OBI1: variants seen among roughly 807,000 people sequenced by gnomAD.
OBI1 encodes ORC ubiquitin ligase 1, also known as ring finger protein 219.
Under a neutral mutation model 62.4 loss-of-function variants are expected in OBI1, and 59 were observed. The observed-to-expected ratio is 0.95, with a 90% confidence interval of 0.77 to 1.17. The LOEUF is 1.17. Ranked by LOEUF, OBI1 falls within the 50% of genes most tolerant of loss-of-function variation. The probability of loss-of-function intolerance (pLI) is 0.00; values close to 1 mark genes in which losing one functional copy is unlikely to be tolerated. For synonymous variants in OBI1, 302 were observed against 292.8 expected, an observed-to-expected ratio of 1.03 and a Z score of -0.32; for missense variants, 875 against 830.9, an observed-to-expected ratio of 1.05 and a Z score of -0.65.
rs1163452291 is a variant in OBI1 at position 78,615,970 on chromosome 13, A to G, written c.1791T>C (p.Thr597=). 2 of 1,613,950 alleles carry G rather than the reference A, an allele frequency of 1.2e-6. No homozygotes were observed. The highest frequency in any genetic ancestry group is 1.1e-5 in the South Asian group (1 of 91,024). ...TELNLSKGSL[T]NDQLENGSEW... The stretch of plus-strand genomic sequence containing the variant: ...CACTTCCATTTTCTAACTGATCATT[A>G]GTTAGAGAACCTTTGGAAAGGTTTA... The change falls in exon 6 of 6, where the codon ACT becomes ACC. Residue 597 remains threonine, a synonymous_variant. Coordinates refer to ENST00000282003, the MANE Select transcript of OBI1 (RefSeq NM_024546.4).
Position 78,616,067 on chromosome 13 carries a change from T to C in OBI1, c.1694A>G (p.Asp565Gly), listed in dbSNP as rs749517299. 6.2e-7 allele frequency: 1 copy of C among 1,614,160 alleles called. No individual in the cohort carries two copies. The highest frequency in any genetic ancestry group is 1.1e-5 in the South Asian group (1 of 91,074). The change falls in exon 6 of 6, where the codon GAT becomes GGT. Residue 565 changes from aspartate (D) to glycine (G), a missense_variant. By Grantham distance (94) the Asp-to-Gly change is moderately conservative. Transcript: ENST00000282003. ...GCCTTGAGATGACTTTGATAACCCATCCAAATCCAGTGACTTAAAACCGTT... is the reference window on the plus strand; with the variant it reads ...GCCTTGAGATGACTTTGATAACCCACCCAAATCCAGTGACTTAAAACCGTT... ...CNNGFKSLDLDGLSKSSQGSE... is the reference protein window; with the variant it reads ...CNNGFKSLDLGGLSKSSQGSE...
chr13:78,646,592 C>T (rs1191970201), intron 1 of OBI1, among the ~76,000 whole-genome samples: 2 of 151,870 alleles, frequency 1.3e-5, no homozygotes, highest in African/African-American at 4.8e-5. Context: ...CAGTATAGAA[C>T]CCTTCTGCAC....
chr13:78,631,499 G>A lies in OBI1; in HGVS notation c.638+3611C>T, dbSNP rs139623951. On this transcript the variant is annotated intron_variant, in intron 5 of 5. Transcript: ENST00000282003. The stretch of plus-strand genomic sequence containing the variant: ...TAAGTCTTCTTCACATATTACTCTT[G>A]TAAACTTAAAGGTCATATCACCACC... Among the ~76,000 whole-genome samples the A allele has an allele frequency of 1.3e-3, 200 of 152,204 alleles. 1 individual carries two copies. Among genetic ancestry groups the A allele is most frequent in the African/African-American group, 4.6e-3 (193 of 41,546 alleles).
chr13:78,651,983 C>CA (rs765444571), intron 1 of OBI1, among the ~76,000 whole-genome samples: 1 of 152,168 alleles, frequency 6.6e-6, no homozygotes, highest in Non-Finnish European at 1.5e-5. Context: ...TTAACCTCCC[C>CA]ATTTAATATG....
At chr13:78,646,185 T>C (rs1876376336) in intron 1 of OBI1, among the ~76,000 whole-genome samples, 1 of 152,194 alleles carries the variant, frequency 6.6e-6, no homozygotes, top group South Asian at 2.1e-4. Context: ...GCTTTGGTTT[T>C]CTCCACAGCA....
At chr13:78,655,708 CAA>C (rs1876680453) in intron 1 of OBI1, among the ~76,000 whole-genome samples, 1 of 152,086 alleles carries the variant, frequency 6.6e-6, no homozygotes, top group African/African-American at 2.4e-5. Context: ...GTTGAATAAT[CAA>C]AAGAGAAGAT....
intron 5 of OBI1, among the ~76,000 whole-genome samples, chr13:78,620,185 CCTT>C (rs1244468177): frequency 6.6e-6 from 1 of 152,184 alleles, no homozygotes; most frequent in Non-Finnish European, 1.5e-5. Context: ...GGGCAATTTA[CCTT>C]ATTATAGAGA....
intron 1 of OBI1, among the ~76,000 whole-genome samples, chr13:78,652,838 G>C (rs1446195362): frequency 2.6e-5 from 4 of 152,180 alleles, no homozygotes; most frequent in African/African-American, 9.7e-5. Flanking sequence ...TGCAGTCCTG[G>C]TTCCTGATAG....
At chr13:78,651,985 T>C (rs1476865980) in intron 1 of OBI1, among the ~76,000 whole-genome samples, 1 of 152,106 alleles carries the variant, frequency 6.6e-6, no homozygotes, top group Non-Finnish European at 1.5e-5. Context: ...AACCTCCCCA[T>C]TTAATATGAC....
intron 1 of OBI1, among the ~76,000 whole-genome samples, chr13:78,658,098 G>A (rs1378826813): frequency 6.6e-6 from 1 of 152,156 alleles, no homozygotes; most frequent in Non-Finnish European, 1.5e-5. Flanking sequence ...CGTATTGGCC[G>A]GCACTCAAAT....
chr13:78,652,321 C>T (rs934043775), intron 1 of OBI1, among the ~76,000 whole-genome samples: 4 of 151,798 alleles, frequency 2.6e-5, no homozygotes, highest in Admixed American at 2.0e-4. Context: ...AATCTAGCAC[C>T]CATCCTCTTC....
chr13:78,658,956 G>T, intron 1 of OBI1, 93 bp downstream of exon 1: 1 of 1,140,302 alleles, frequency 8.8e-7, no homozygotes, highest in Non-Finnish European at 1.3e-6. Flanking sequence ...CGCGCCTCAC[G>T]CCCCTTCCCC....
intron 1 of OBI1, among the ~76,000 whole-genome samples, chr13:78,656,240 G>A (rs1876696867): frequency 6.6e-6 from 1 of 152,176 alleles, no homozygotes. Flanking sequence ...GGGAGTTGAT[G>A]TTATTACCAT....
At chr13:78,619,319 C>T (rs1428160766) in intron 5 of OBI1, among the ~76,000 whole-genome samples, 1 of 118,418 alleles carries the variant, frequency 8.4e-6, no homozygotes, top group Non-Finnish European at 1.7e-5. Flanking sequence ...TTGCCTCTCT[C>T]TCTCTATATA....
intron 5 of OBI1, among the ~76,000 whole-genome samples, chr13:78,618,329 C>T (rs1406460086): frequency 6.6e-6 from 1 of 151,872 alleles, no homozygotes; most frequent in East Asian, 1.9e-4. Flanking sequence ...TTGGGTTTAT[C>T]TTTTTCTTCC....
At chr13:78,628,335 C>T (rs1211357137) in intron 5 of OBI1, among the ~76,000 whole-genome samples, 1 of 152,174 alleles carries the variant, frequency 6.6e-6, no homozygotes, top group Non-Finnish European at 1.5e-5. Flanking sequence ...TCACAATCAC[C>T]ATGCTCTACT....
At chr13:78,641,518 G>A (rs1422517977) in intron 3 of OBI1, among the ~76,000 whole-genome samples, 2 of 152,076 alleles carry the variant, frequency 1.3e-5, no homozygotes, top group African/African-American at 4.8e-5. Flanking sequence ...ATTCAAAAGT[G>A]TATGTATTCT....
At chr13:78,653,329 C>T (rs983618390) in intron 1 of OBI1, among the ~76,000 whole-genome samples, 5 of 152,230 alleles carry the variant, frequency 3.3e-5, no homozygotes, top group African/African-American at 1.2e-4. Context: ...AATGTCTCCA[C>T]ACACTGCCCC....
At chr13:78,620,109 T>C (rs1875459507) in intron 5 of OBI1, among the ~76,000 whole-genome samples, 1 of 152,130 alleles carries the variant, frequency 6.6e-6, no homozygotes, top group African/African-American at 2.4e-5. Flanking sequence ...TGCAAATAGA[T>C]GAGACTTTTG....
Sources: allele counts gnomAD v4.1 joint callset (sites outside exome capture counted in the v4.1 genomes callset), GRCh38; gene constraint gnomAD v4.1.1; transcripts MANE v1.5; gene names NCBI Gene and HGNC (gene_info 2026-07-23, HGNC 2026-07-21).